The following CNTN4 variants were observed in gnomAD, a reference collection of about 807,000 sequenced individuals.
CNTN4 encodes contactin-4.
CNTN4 carries 77 observed loss-of-function variants against 122.5 expected under a neutral mutation model. That is an observed-to-expected ratio of 0.63 (90% CI 0.52 to 0.76). CNTN4 has a LOEUF of 0.76. CNTN4 is among the 30% of genes least tolerant of loss of function. The pLI, the probability that CNTN4 is intolerant of heterozygous loss-of-function variation, is 0.00. For missense variants in CNTN4, 1,256 were observed against 1,259.1 expected, an observed-to-expected ratio of 1.00 and a Z score of 0.04; for synonymous variants, 512 against 447.0, an observed-to-expected ratio of 1.15 and a Z score of -1.83.
At chr3:2,989,068 C>T (rs569367445) in intron 14 of CNTN4, 1 of 153,532 alleles carries the variant, frequency 6.5e-6, no homozygotes, top group Non-Finnish European at 1.5e-5. Flanking sequence ...CCTTTATGCT[C>T]TTAGCAAAGC....
chr3:2,224,977 C>T (rs1039473277), intron 2 of CNTN4, among the ~76,000 whole-genome samples: 2 of 150,510 alleles, frequency 1.3e-5, no homozygotes, highest in Admixed American at 6.6e-5. Flanking sequence ...GGTGAAACCC[C>T]GTCTCTACTA....
At chr3:2,366,682 G>A (rs1290503453) in intron 3 of CNTN4, among the ~76,000 whole-genome samples, 1 of 151,514 alleles carries the variant, frequency 6.6e-6, no homozygotes, top group African/African-American at 2.4e-5. Context: ...AGCCGAGATT[G>A]CACCACTGCG....
chr3:2,776,682 G>A (rs912444789), intron 6 of CNTN4, among the ~76,000 whole-genome samples: 13 of 152,150 alleles, frequency 8.5e-5, no homozygotes, highest in Admixed American at 8.5e-4. Flanking sequence ...TCCCAGCACA[G>A]AGCTTGTTAT....
chr3:2,605,083 G>A (rs770272640), intron 4 of CNTN4, among the ~76,000 whole-genome samples: 7 of 152,066 alleles, frequency 4.6e-5, no homozygotes, highest in Non-Finnish European at 1.0e-4. Flanking sequence ...CATAGTTCAC[G>A]GCAGCCTCGA....
At chr3:2,862,977 G>A (rs2093685755) in intron 7 of CNTN4, among the ~76,000 whole-genome samples, 1 of 152,208 alleles carries the variant, frequency 6.6e-6, no homozygotes, top group African/African-American at 2.4e-5. Context: ...GCTAGAACGA[G>A]TAGGTTATAG....
intron 13 of CNTN4, among the ~76,000 whole-genome samples, chr3:2,958,745 G>A (rs2094824900): frequency 6.6e-6 from 1 of 152,192 alleles, no homozygotes; most frequent in African/African-American, 2.4e-5. Flanking sequence ...CAACACTTAA[G>A]AGGTTCTTAC....
At chr3:2,665,909 G>C (rs2084132046) in intron 4 of CNTN4, among the ~76,000 whole-genome samples, 1 of 152,156 alleles carries the variant, frequency 6.6e-6, no homozygotes, top group African/African-American at 2.4e-5. Context: ...TTTTTCGAAG[G>C]TTAGTTGTGG....
Position 2,728,746 on chromosome 3 carries a change from A to C in CNTN4, c.56-7469A>C, listed in dbSNP as rs570729948. On this transcript the variant is annotated intron_variant, in intron 4 of 24. Transcript: ENST00000418658. The stretch of plus-strand genomic sequence containing the variant: ...GTACAACTCATATCTAAACCCATGC[A>C]GTCTTCCCTGGCTGGTATTCTAAGC... Among the ~76,000 whole-genome samples the C allele has an allele frequency of 6.6e-5, 10 of 152,344 alleles. No individual in the cohort carries two copies. In the East Asian group the frequency reaches 1.4e-3, roughly 21 times the overall value.
At chr3:2,349,883 C>T (rs1247843487) in intron 3 of CNTN4, among the ~76,000 whole-genome samples, 1 of 152,014 alleles carries the variant, frequency 6.6e-6, no homozygotes, top group East Asian at 1.9e-4. Context: ...GATTGGTGCC[C>T]TGAAATGGAA....
At chr3:2,396,412 G>T (rs185464490) in intron 3 of CNTN4, among the ~76,000 whole-genome samples, 1 of 152,120 alleles carries the variant, frequency 6.6e-6, no homozygotes. Context: ...AAGACCCACC[G>T]TATGAAAACA....
chr3:2,288,520 T>C (rs1020919892), intron 2 of CNTN4, among the ~76,000 whole-genome samples: 7 of 152,086 alleles, frequency 4.6e-5, no homozygotes, highest in African/African-American at 1.2e-4. Context: ...CCTTGCAACA[T>C]TGAGGATCGG....
chr3:2,313,202 C>T (rs904765031), intron 2 of CNTN4, among the ~76,000 whole-genome samples: 11 of 151,628 alleles, frequency 7.3e-5, no homozygotes, highest in African/African-American at 1.5e-4. Context: ...AAAAGCAAGA[C>T]GTACATAAAC....
intron 13 of CNTN4, among the ~76,000 whole-genome samples, chr3:2,936,334 A>T (rs1171842500): frequency 6.6e-6 from 1 of 152,062 alleles, no homozygotes; most frequent in East Asian, 1.9e-4. Flanking sequence ...ATCAACTGAG[A>T]TGTGTTTTAG....
intron 14 of CNTN4, among the ~76,000 whole-genome samples, chr3:3,017,763 A>G (rs912235917): frequency 2.6e-5 from 4 of 152,378 alleles, no homozygotes; most frequent in South Asian, 4.1e-4. Context: ...CACGAGGAAG[A>G]AAAAACTTCG....
At chr3:2,360,008 TAC>T (rs534580285) in intron 3 of CNTN4, among the ~76,000 whole-genome samples, 1 of 152,228 alleles carries the variant, frequency 6.6e-6, no homozygotes, top group Non-Finnish European at 1.5e-5. Context: ...CGTCTTAATC[TAC>T]AGACTTAGAA....
intron 3 of CNTN4, among the ~76,000 whole-genome samples, chr3:2,543,733 G>A (rs910586138): frequency 6.6e-6 from 1 of 152,064 alleles, no homozygotes; most frequent in Non-Finnish European, 1.5e-5. Context: ...TTCACAAATG[G>A]TCCAAGACTG....
chr3:2,705,861 T>A (rs935906356), intron 4 of CNTN4, among the ~76,000 whole-genome samples: 4,504 of 88,058 alleles, frequency 0.051, 145 homozygotes, highest in South Asian at 0.14. Context: ...ATATATGTGT[T>A]TATATATAAT....
At chr3:2,802,547 A>T (rs2092373643) in intron 6 of CNTN4, among the ~76,000 whole-genome samples, 1 of 152,230 alleles carries the variant, frequency 6.6e-6, no homozygotes, top group Admixed American at 6.5e-5. Context: ...CAGACCACGA[A>T]TTCAATGTCA....
At chr3:2,709,000 C>T (rs551259797) in intron 4 of CNTN4, among the ~76,000 whole-genome samples, 56 of 152,182 alleles carry the variant, frequency 3.7e-4, no homozygotes, top group African/African-American at 1.1e-3. Context: ...TTTTAATGGG[C>T]GTTGCTACTT....
Sources: gnomAD v4.1 joint callset for allele counts (sites outside exome capture counted in the v4.1 genomes callset) on GRCh38, gnomAD v4.1.1 for gene constraint, MANE v1.5 for transcripts, NCBI Gene and HGNC (gene_info 2026-07-23, HGNC 2026-07-21) for gene names.